The following ERICH3 variants were observed in gnomAD, a reference collection of about 807,000 sequenced individuals.
ERICH3 encodes glutamate rich 3.
A neutral mutation model predicts 131.1 loss-of-function variants in ERICH3; 126 were observed. That is an observed-to-expected ratio of 0.96 (90% CI 0.83 to 1.11). The LOEUF (loss-of-function observed/expected upper bound fraction) is 1.11, where lower values mean the gene tolerates loss of function less well. Among genes scored for constraint, ERICH3 ranks in the 50% most tolerant of loss-of-function variants. The pLI is 0.00. For missense variants in ERICH3, 2,050 were observed against 1,810.7 expected, an observed-to-expected ratio of 1.13 and a Z score of -2.40; for synonymous variants, 695 against 644.6, an observed-to-expected ratio of 1.08 and a Z score of -1.18.
Position 74,606,806 on chromosome 1 carries a change from C to T in ERICH3, c.1284G>A (p.Glu428=), listed in dbSNP as rs367573567. The change falls in exon 10 of 15, where the codon GAG becomes GAA. Residue 428 remains glutamate, a synonymous_variant. Coordinates refer to ENST00000326665, the MANE Select transcript of ERICH3 (RefSeq NM_001002912.5). ...ACTCTCTCTCTTTCCTCACTTTCCC[C>T]TCAGCCTTCTTCAGTTCCTCTCCTT... The part of the protein sequence containing the change: ...TEKGEELKKA[E]GKVRKEREYV... 6.8e-6 allele frequency: 11 copies of T among 1,613,168 alleles called. No homozygotes were observed. The highest frequency in any genetic ancestry group is 9.3e-6 in the Non-Finnish European group (11 of 1,179,528).
chr1:74,577,005 T>C (rs1340061233), intron 12 of ERICH3, 69 bp from the exon 13 acceptor site: 58 of 1,441,586 alleles, frequency 4.0e-5, no homozygotes, highest in Non-Finnish European at 9.4e-7. Context: ...TGGTTCTCCA[T>C]CTCTCCAGTT....
chr1:74,613,307 T>A (rs368225306), intron 8 of ERICH3, among the ~76,000 whole-genome samples: 1 of 152,246 alleles, frequency 6.6e-6, no homozygotes, highest in Admixed American at 6.5e-5. Context: ...CCTTATTATC[T>A]TGTTATTTTT....
chr1:74,632,119 A>G (rs984679870), intron 6 of ERICH3, among the ~76,000 whole-genome samples, 191 bp from the exon 7 acceptor site: 1 of 152,040 alleles, frequency 6.6e-6, no homozygotes, highest in Non-Finnish European at 1.5e-5. Context: ...AAAAATTCTA[A>G]CCTTGTGTGG....
intron 7 of ERICH3, among the ~76,000 whole-genome samples, chr1:74,629,270 A>G (rs1649512189): frequency 6.6e-6 from 1 of 152,068 alleles, no homozygotes; most frequent in African/African-American, 2.4e-5. Context: ...ACAAAAAGAC[A>G]AAGAGGTAGA....
intron 5 of ERICH3, among the ~76,000 whole-genome samples, chr1:74,638,090 T>C (rs969851671): frequency 1.3e-5 from 2 of 152,144 alleles, no homozygotes; most frequent in African/African-American, 4.8e-5. Flanking sequence ...ACATACACTT[T>C]AAAGAATGGT....
chr1:74,629,349 T>G (rs934788511), intron 7 of ERICH3, among the ~76,000 whole-genome samples: 2 of 151,486 alleles, frequency 1.3e-5, no homozygotes, highest in Non-Finnish European at 2.9e-5. Context: ...AAAATAGAGA[T>G]TCCAAAAAGA....
intron 1 of ERICH3, among the ~76,000 whole-genome samples, chr1:74,652,320 G>A (rs1646542766): frequency 6.6e-6 from 1 of 152,134 alleles, no homozygotes; most frequent in Non-Finnish European, 1.5e-5. Flanking sequence ...TTTCCAGGGA[G>A]ATGGTCAAAT....
Position 74,650,856 on chromosome 1 carries a change from G to A in ERICH3, c.24-1541C>T, listed in dbSNP as rs534565890. On this transcript the variant is annotated intron_variant, in intron 1 of 14. Coordinates refer to ENST00000326665, the MANE Select transcript of ERICH3 (RefSeq NM_001002912.5). ...CTACTGTGTGTGTGTGTGTGTGTGT[G>A]TGTGTGTGTGTGTATACTTATATAC... Among the ~76,000 whole-genome samples, 3 of 151,976 alleles carry A rather than the reference G, an allele frequency of 2.0e-5. No individual in the cohort carries two copies. In the East Asian group the frequency reaches 5.8e-4, roughly 29 times the overall value.
chr1:74,617,472 A>T (rs1649022905), intron 8 of ERICH3, among the ~76,000 whole-genome samples: 1 of 152,254 alleles, frequency 6.6e-6, no homozygotes, highest in Admixed American at 6.5e-5. Flanking sequence ...ATAAATTTTT[A>T]AAAATATGGT....
Position 74,571,729 on chromosome 1 carries a change from T to TTG in ERICH3, c.3979_3980dup (p.Gln1327HisfsTer46). Reference sequence around the variant, plus strand: ...TTCCTCCTCCCATGCCCTCATTCTTTTGTGTGTTTCCTTCTCCTTCCATGT... The same window carrying TTG: ...TTCCTCCTCCCATGCCCTCATTCTTTTGTGTGTGTTTCCTTCTCCTTCCATGT... On this transcript the variant is annotated frameshift_variant, in exon 14 of 15. Transcript: ENST00000326665. LOFTEE classifies it high-confidence loss of function. 6.2e-7 allele frequency: 1 copy of TTG among 1,614,158 alleles called. No individual in the cohort carries two copies. The highest frequency in any genetic ancestry group is 8.5e-7 in the Non-Finnish European group (1 of 1,180,034).
At chr1:74,663,456 C>G (rs1438777427) in intron 1 of ERICH3, among the ~76,000 whole-genome samples, 1 of 152,074 alleles carries the variant, frequency 6.6e-6, no homozygotes, top group Non-Finnish European at 1.5e-5. Context: ...CATTCCCAAA[C>G]TTGTCTTCCT....
At chr1:74,573,678 C>G (rs1647001680) in intron 13 of ERICH3, among the ~76,000 whole-genome samples, 187 bp from the exon 14 acceptor site, 1 of 152,116 alleles carries the variant, frequency 6.6e-6, no homozygotes, top group South Asian at 2.1e-4. Context: ...TGCACCATGA[C>G]TTAATAATGG....
At chr1:74,581,592 T>C (rs1647184257) in intron 12 of ERICH3, among the ~76,000 whole-genome samples, 2 of 152,206 alleles carry the variant, frequency 1.3e-5, no homozygotes. Context: ...TATAGCTTTA[T>C]TGCACTGTTA....
At chr1:74,609,676 C>A (rs536295235) in intron 9 of ERICH3, among the ~76,000 whole-genome samples, 3 of 151,934 alleles carry the variant, frequency 2.0e-5, no homozygotes, top group African/African-American at 7.2e-5. Flanking sequence ...CATCCAATGA[C>A]AATGCACTGT....
In ERICH3 at chr1:74,673,477, A is replaced by G. The variant is rs942174661; in HGVS notation, c.23+20T>C. 12 of 1,611,946 alleles carry G rather than the reference A, an allele frequency of 7.4e-6. No homozygotes were observed. The highest frequency in any genetic ancestry group is 9.3e-6 in the Non-Finnish European group (11 of 1,179,204). On this transcript the variant is annotated intron_variant, in intron 1 of 14. Coordinates refer to ENST00000326665, the MANE Select transcript of ERICH3 (RefSeq NM_001002912.5). ...AGCCGCCACCTGCCACAGCGTGGAA[A>G]AGCTCCAGTTGTCACTTACCCAGCG...
At chr1:74,615,182 C>A (rs1489033558) in intron 8 of ERICH3, 2 of 152,082 alleles carry the variant, frequency 1.3e-5, no homozygotes, top group African/African-American at 4.8e-5. Flanking sequence ...TCCTTTGTTA[C>A]TTATTTTTGT....
At chr1:74,638,533 G>A (rs910776679) in intron 5 of ERICH3, among the ~76,000 whole-genome samples, 10 of 152,146 alleles carry the variant, frequency 6.6e-5, no homozygotes, top group Non-Finnish European at 1.5e-4. Context: ...TTGAATATCC[G>A]ACTGGGAAGA....
chr1:74,606,417 C>T (rs1053343870), intron 10 of ERICH3, among the ~76,000 whole-genome samples, 184 bp downstream of exon 10: 1 of 151,848 alleles, frequency 6.6e-6, no homozygotes. Context: ...CTAGGTCTGC[C>T]TTCCTCTAAG....
At chr1:74,583,042 G>A (rs796942909) in intron 12 of ERICH3, among the ~76,000 whole-genome samples, 1 of 151,974 alleles carries the variant, frequency 6.6e-6, no homozygotes, top group Non-Finnish European at 1.5e-5. Flanking sequence ...CAATGTAAAC[G>A]GGGGCAGAAC....
Sources: gnomAD v4.1 joint callset for allele counts (sites outside exome capture counted in the v4.1 genomes callset) on GRCh38, gnomAD v4.1.1 for gene constraint, MANE v1.5 for transcripts, NCBI Gene and HGNC (gene_info 2026-07-23, HGNC 2026-07-21) for gene names.